Variants in GRB14 observed in about 807,000 individuals in gnomAD.
GRB14 encodes the protein growth factor receptor bound protein 14, also known as growth factor receptor-bound protein 14.
GRB14 carries 38 observed loss-of-function variants against 69.1 expected under a neutral mutation model. The ratio of observed to expected loss-of-function variants is 0.55; its 90% CI spans 0.42 to 0.72. The LOEUF (loss-of-function observed/expected upper bound fraction) is 0.72, where lower values mean the gene tolerates loss of function less well. GRB14 is among the 30% of genes least tolerant of loss of function. The pLI is 0.00. For synonymous variants in GRB14, 247 were observed against 241.3 expected (o/e 1.02, Z -0.22); for missense variants, 666 against 666.1 (o/e 1.00, Z 0.00).
chr2:164,554,616 A>T (rs1314933219), intron 2 of GRB14, among the ~76,000 whole-genome samples: 1 of 152,132 alleles, frequency 6.6e-6, no homozygotes, highest in African/African-American at 2.4e-5. Flanking sequence ...CAATCACAAC[A>T]ACCTTGGCCT....
chr2:164,599,988 T>C (rs566227359), intron 2 of GRB14, among the ~76,000 whole-genome samples: 1 of 152,328 alleles, frequency 6.6e-6, no homozygotes, highest in East Asian at 1.9e-4. Context: ...TTATAAAAAC[T>C]TCACATGATC....
chr2:164,588,187 A>G (rs1304742453), intron 2 of GRB14, among the ~76,000 whole-genome samples: 1 of 152,246 alleles, frequency 6.6e-6, no homozygotes, highest in Non-Finnish European at 1.5e-5. Flanking sequence ...ATGTCACATG[A>G]AAACCTTTTT....
intron 2 of GRB14, among the ~76,000 whole-genome samples, chr2:164,587,816 T>C (rs1466685012): frequency 1.3e-5 from 2 of 152,112 alleles, no homozygotes; most frequent in South Asian, 2.1e-4. Context: ...GAAAGAAAAG[T>C]GCACTGGACA....
At chr2:164,519,122 A>T (rs1687568398) in intron 6 of GRB14, among the ~76,000 whole-genome samples, 1 of 152,184 alleles carries the variant, frequency 6.6e-6, no homozygotes, top group African/African-American at 2.4e-5. Context: ...AAAATCCTTA[A>T]CAAAATACTA....
At chr2:164,516,669 C>T (rs1220940871) in intron 6 of GRB14, among the ~76,000 whole-genome samples, 1 of 152,006 alleles carries the variant, frequency 6.6e-6, no homozygotes, top group Non-Finnish European at 1.5e-5. Context: ...TGAAAAAATT[C>T]GCCACTACCA....
rs371658774 is a variant in GRB14, at chr2:164,493,171, G to A, written c.1488C>T (p.Asp496=). Residue 496 remains aspartate, a synonymous_variant, in exon 14 of 14, where the codon GAC becomes GAT. Coordinates refer to ENST00000263915, the MANE Select transcript of GRB14 (RefSeq NM_004490.3). ...CATCCAGTGTGTGGAACATTTCACCGTCATCTTCTACCTGCAAAAAGAAAA... is the reference window on the plus strand; with the variant it reads ...CATCCAGTGTGTGGAACATTTCACCATCATCTTCTACCTGCAAAAAGAAAA... ...KHFQIIPVED[D]GEMFHTLDDG... is the part of the protein sequence containing the mutation. 44 of 1,611,906 alleles carry A rather than the reference G, an allele frequency of 2.7e-5. No individual in the cohort carries two copies. The highest frequency in any genetic ancestry group is 6.7e-5 in the African/African-American group (5 of 74,934).
intron 2 of GRB14, among the ~76,000 whole-genome samples, chr2:164,603,125 G>T (rs776619409): frequency 1.3e-5 from 2 of 152,176 alleles, no homozygotes; most frequent in Middle Eastern, 3.4e-3. Flanking sequence ...AGAGTGAGGG[G>T]TATTCATGGA....
At chr2:164,502,208 T>C (rs761930511) in intron 9 of GRB14, 47 bp downstream of exon 9, 53 of 890,562 alleles carry the variant, frequency 6.0e-5, no homozygotes, top group Non-Finnish European at 8.6e-5. Flanking sequence ...TAAATTAATA[T>C]AATGTGAATG....
chr2:164,554,401 C>G (rs891405600), intron 2 of GRB14, among the ~76,000 whole-genome samples: 7 of 152,068 alleles, frequency 4.6e-5, no homozygotes, highest in African/African-American at 1.7e-4. Context: ...TGGATGCCAA[C>G]AGGAAGAAAT....
chr2:164,505,158 G>T (rs1378190815), intron 8 of GRB14, among the ~76,000 whole-genome samples: 2 of 152,164 alleles, frequency 1.3e-5, no homozygotes, highest in Non-Finnish European at 2.9e-5. Flanking sequence ...GTGGTAATTT[G>T]TTACAGCAGT....
chr2:164,508,593 G>A (rs1336451355), intron 7 of GRB14, 43 bp from the exon 8 acceptor site: 1 of 1,550,630 alleles, frequency 6.4e-7, no homozygotes, highest in Non-Finnish European at 8.9e-7. Flanking sequence ...TGCATATCTT[G>A]AAGGTAACAC....
At chr2:164,560,257 T>TATAC (rs1231737936) in intron 2 of GRB14, among the ~76,000 whole-genome samples, 4 of 152,220 alleles carry the variant, frequency 2.6e-5, no homozygotes, top group Non-Finnish European at 5.9e-5. Flanking sequence ...TAATTAGATG[T>TATAC]ATACATACAT....
chr2:164,521,258 C>T (rs1687627299), intron 6 of GRB14, among the ~76,000 whole-genome samples: 1 of 152,038 alleles, frequency 6.6e-6, no homozygotes, highest in African/African-American at 2.4e-5. Flanking sequence ...CGCGAAGTAA[C>T]TCAGGAATGT....
At chr2:164,509,821 CAGA>C (rs1009913320) in intron 6 of GRB14, among the ~76,000 whole-genome samples, 1 of 145,952 alleles carries the variant, frequency 6.9e-6, no homozygotes, top group Non-Finnish European at 1.5e-5. Context: ...AAACACCCCA[CAGA>C]AGAACACACT....
intron 3 of GRB14, chr2:164,539,933 AT>A (rs1388518201): frequency 1.3e-5 from 2 of 152,228 alleles, no homozygotes; most frequent in Non-Finnish European, 2.9e-5. Flanking sequence ...CAAATCTTGC[AT>A]TCTGGTCTCC....
chr2:164,585,940 A>C (rs1168986295), intron 2 of GRB14, among the ~76,000 whole-genome samples: 1 of 152,232 alleles, frequency 6.6e-6, no homozygotes, highest in East Asian at 1.9e-4. Context: ...AGCACAGATT[A>C]TAAGTGAAGT....
intron 8 of GRB14, among the ~76,000 whole-genome samples, chr2:164,504,753 G>A (rs1170019180): frequency 1.3e-5 from 2 of 152,152 alleles, no homozygotes; most frequent in Non-Finnish European, 2.9e-5. Flanking sequence ...CATCTCCAGA[G>A]CCTATGTTAA....
At chr2:164,584,032 C>G (rs1689476760) in intron 2 of GRB14, among the ~76,000 whole-genome samples, 1 of 151,114 alleles carries the variant, frequency 6.6e-6, no homozygotes, top group African/African-American at 2.4e-5. Flanking sequence ...GTCACCCAGG[C>G]TGGAGTGCAG....
intron 2 of GRB14, among the ~76,000 whole-genome samples, chr2:164,603,756 G>C (rs1689983018): frequency 6.6e-6 from 1 of 151,578 alleles, no homozygotes; most frequent in Non-Finnish European, 1.5e-5. Flanking sequence ...TACAAAACTA[G>C]ATTTAACTAA....
Sources: gnomAD v4.1 joint callset for allele counts (sites outside exome capture counted in the v4.1 genomes callset) on GRCh38, gnomAD v4.1.1 for gene constraint, MANE v1.5 for transcripts, NCBI Gene and HGNC (gene_info 2026-07-23, HGNC 2026-07-21) for gene names.